Variants in HACD4 observed in about 807,000 individuals in gnomAD.
HACD4 encodes 3-hydroxyacyl-CoA dehydratase 4, also known as very-long-chain (3R)-3-hydroxyacyl-CoA dehydratase 4.
In HACD4, 35 loss-of-function variants were observed where a neutral mutation model predicts 33.3. The ratio of observed to expected loss-of-function variants is 1.05; its 90% confidence interval spans 0.80 to 1.39. The LOEUF is 1.39. Among genes scored for constraint, HACD4 ranks in the 40% most tolerant of loss-of-function variants. The pLI is 0.00. For synonymous variants in HACD4, 118 were observed against 98.0 expected, an observed-to-expected ratio of 1.20 and a Z score of -1.21; for missense variants, 323 against 276.5, an observed-to-expected ratio of 1.17 and a Z score of -1.19.
chr9:21,026,792 C>T, intron 2 of HACD4, 69 bp from the exon 3 acceptor site: 2 of 1,322,100 alleles, frequency 1.5e-6, no homozygotes, highest in South Asian at 2.5e-5. Flanking sequence ...ATTTATGCAG[C>T]ACTTTGAAGT....
At chr9:21,019,119 A>G (rs1371572735) in intron 3 of HACD4, among the ~76,000 whole-genome samples, 1 of 152,100 alleles carries the variant, frequency 6.6e-6, no homozygotes, top group Non-Finnish European at 1.5e-5. Flanking sequence ...AAATAATTGT[A>G]TTTGCTTCCT....
At chr9:21,031,503 A>G in intron 1 of HACD4, 50 bp downstream of exon 1, 3 of 1,444,338 alleles carry the variant, frequency 2.1e-6, no homozygotes, top group South Asian at 1.4e-5. Flanking sequence ...TCCCGCCTCC[A>G]GGCCCTCCAC....
At chr9:21,014,814 T>C (rs1281306171) in intron 4 of HACD4, among the ~76,000 whole-genome samples, 1 of 152,224 alleles carries the variant, frequency 6.6e-6, no homozygotes, top group Non-Finnish European at 1.5e-5. Flanking sequence ...AGAGAGATCT[T>C]CTACCTCTAT....
chr9:21,018,134 A>T (rs2132784815), intron 3 of HACD4, among the ~76,000 whole-genome samples: 1 of 152,290 alleles, frequency 6.6e-6, no homozygotes, highest in Middle Eastern at 3.4e-3. Flanking sequence ...TTCAACTCTA[A>T]CTTGACCATT....
chr9:21,015,894 T>C lies in HACD4; in HGVS notation c.383+4A>G, dbSNP rs1306632202. 2 of 1,592,544 alleles carry C rather than the reference T, an allele frequency of 1.3e-6. No homozygotes were observed. The highest frequency in any genetic ancestry group is 1.1e-5 in the South Asian group (1 of 90,500). The stretch of plus-strand genomic sequence containing the variant: ...TGTTTTAAGAGATTATTTTGCCTTC[T>C]TACCTAACCATATCCAATAGATTCC... On this transcript the variant is annotated splice_donor_region_variant and intron_variant, in intron 4 of 6. Coordinates refer to ENST00000495827, the MANE Select transcript of HACD4 (RefSeq NM_001010915.5).
rs1043696206 is a variant in HACD4, at chr9:21,002,085, A to G, written c.*4952T>C. The G allele has an allele frequency of 2.6e-5, 4 of 152,136 alleles. No homozygotes were observed. The highest frequency in any genetic ancestry group is 9.7e-5 in the African/African-American group (4 of 41,428). The allele number at this position is 152,136 out of a possible 1,614,324, so 9.4% of individuals were successfully genotyped here. ...CACACAGTGTATATAATTTTGTGAAACTTAAAGGAGTGATAGACAGAGATA... is the reference window on the plus strand; with the variant it reads ...CACACAGTGTATATAATTTTGTGAAGCTTAAAGGAGTGATAGACAGAGATA... On this transcript the variant is annotated 3_prime_UTR_variant, in exon 7 of 7. Transcript: ENST00000495827.
In HACD4 at chr9:21,026,700, C is replaced by T; in HGVS notation, c.166G>A (p.Ala56Thr). 4 of 1,613,418 alleles carry T rather than the reference C, an allele frequency of 2.5e-6. No homozygotes were observed. Among genetic ancestry groups the T allele is most frequent in the Non-Finnish European group, 3.4e-6 (4 of 1,179,530 alleles). ...CAAAGTCGCATCACAAGTCCAATAGCATAAAAAGTGTCAACCATTGAATCT... is the reference window on the plus strand; with the variant it reads ...CAAAGTCGCATCACAAGTCCAATAGTATAAAAAGTGTCAACCATTGAATCT... ...GKDSMVDTFY[A>T]IGLVMRLCQS... The change falls in exon 3 of 7, where the codon GCT becomes ACT. Residue 56 changes from alanine (A) to threonine (T), a missense_variant. By Grantham distance (58) the Ala-to-Thr change is moderately conservative. Transcript: ENST00000495827.
rs1298797940 is a variant in HACD4 at position 21,005,942 on chromosome 9, C to A, written c.*1095G>T. On this transcript the variant is annotated 3_prime_UTR_variant, in exon 7 of 7. Coordinates refer to ENST00000495827, the MANE Select transcript of HACD4 (RefSeq NM_001010915.5). The surrounding 1 kb of genome is among the most constrained non-coding windows in gnomAD (Gnocchi z 4.0). Reference sequence around the variant, plus strand: ...TACTGTGGAAGCACATAACTTGTTTCATTTCACAAGTTCAAAGCTGGAAAG... The same window carrying A: ...TACTGTGGAAGCACATAACTTGTTTAATTTCACAAGTTCAAAGCTGGAAAG... The A allele has an allele frequency of 6.6e-6, 1 of 152,206 alleles. No individual in the cohort carries two copies. Among genetic ancestry groups the A allele is most frequent in the African/African-American group, 2.4e-5 (1 of 41,440 alleles). 9.4% of individuals were successfully genotyped at this position (152,206 alleles called of 1,614,324 possible).
intron 3 of HACD4, among the ~76,000 whole-genome samples, chr9:21,022,010 T>C (rs1817927409): frequency 6.6e-6 from 1 of 152,140 alleles, no homozygotes; most frequent in African/African-American, 2.4e-5. Context: ...CAAAACAGCA[T>C]GGTACTGGTA....
At chr9:21,028,589 T>C (rs1465842291) in intron 2 of HACD4, among the ~76,000 whole-genome samples, 3 of 152,202 alleles carry the variant, frequency 2.0e-5, no homozygotes, top group Admixed American at 6.5e-5. Context: ...TTCTAAACAT[T>C]TGTTTTTAGC....
chr9:21,013,692 A>G (rs1428376006), intron 4 of HACD4, among the ~76,000 whole-genome samples: 1 of 152,176 alleles, frequency 6.6e-6, no homozygotes, highest in Non-Finnish European at 1.5e-5. Context: ...TTTTTCAACA[A>G]TGTATAAATT....
At chr9:21,024,826 T>G (rs1246702789) in intron 3 of HACD4, among the ~76,000 whole-genome samples, 2 of 152,130 alleles carry the variant, frequency 1.3e-5, no homozygotes, top group Non-Finnish European at 2.9e-5. Context: ...AAAATACCAA[T>G]AGAAAACATA....
intron 3 of HACD4, among the ~76,000 whole-genome samples, chr9:21,021,482 A>T (rs1216502985): frequency 6.6e-6 from 1 of 152,212 alleles, no homozygotes; most frequent in Non-Finnish European, 1.5e-5. Flanking sequence ...AGAAAACCCC[A>T]TCGTCTCAGC....
intron 3 of HACD4, chr9:21,017,812 G>A (rs752071331): frequency 6.6e-6 from 1 of 152,174 alleles, no homozygotes; most frequent in Non-Finnish European, 1.5e-5. Flanking sequence ...AACAGACCTG[G>A]AAACATATAT....
intron 5 of HACD4, among the ~76,000 whole-genome samples, chr9:21,010,456 A>AGC (rs1353043927): frequency 9.5e-6 from 1 of 105,050 alleles, no homozygotes; most frequent in Non-Finnish European, 1.9e-5. Context: ...ACATCCTGGT[A>AGC]CCCCCCCCCC....
chr9:21,007,194 C>T, intron 6 of HACD4, 75 bp from the exon 7 acceptor site: 2 of 820,340 alleles, frequency 2.4e-6, no homozygotes, highest in Admixed American at 1.8e-5. Flanking sequence ...TTTTAAAATA[C>T]AGTCAGAGTG....
chr9:21,019,039 T>C (rs184841329), intron 3 of HACD4, among the ~76,000 whole-genome samples: 1 of 152,282 alleles, frequency 6.6e-6, no homozygotes, highest in Non-Finnish European at 1.5e-5. Context: ...CTCTGAACTT[T>C]TCTGAGAACT....
intron 4 of HACD4, 89 bp from the exon 5 acceptor site, chr9:21,011,784 CA>C: frequency 1.5e-6 from 1 of 672,434 alleles, no homozygotes; most frequent in Non-Finnish European, 2.6e-6. Context: ...TACAGAGATA[CA>C]ACTGGAAAGT....
At chr9:21,028,148 A>AG (rs1818112223) in intron 2 of HACD4, among the ~76,000 whole-genome samples, 1 of 151,080 alleles carries the variant, frequency 6.6e-6, no homozygotes, top group South Asian at 2.1e-4. Context: ...AAAAAAAAAA[A>AG]AAAGAAAAAA....
Sources: allele counts gnomAD v4.1 joint callset (sites outside exome capture counted in the v4.1 genomes callset), GRCh38; gene constraint gnomAD v4.1.1; non-coding constraint Gnocchi (gnomAD v3.1); transcripts MANE v1.5; gene names NCBI Gene and HGNC (gene_info 2026-07-23, HGNC 2026-07-21).